MTHFD1: variants seen among roughly 807,000 people sequenced by gnomAD.
MTHFD1 encodes methylenetetrahydrofolate dehydrogenase, cyclohydrolase and formyltetrahydrofolate synthetase 1.
MTHFD1 carries 44 observed loss-of-function variants against 110.3 expected under a neutral mutation model. That is an observed-to-expected ratio of 0.40 (90% confidence interval 0.31 to 0.51). MTHFD1 has a LOEUF of 0.51. Among genes scored for constraint, MTHFD1 ranks in the 20% least tolerant of loss-of-function variants. The pLI is 0.60. For missense variants in MTHFD1, 909 were observed against 1,173.1 expected (o/e 0.77, Z 3.29); for synonymous variants, 402 against 428.8 (o/e 0.94, Z 0.77).
chr14:64,441,439 A>G lies in MTHFD1; in HGVS notation c.1870A>G (p.Met624Val). The change falls in exon 19 of 28, where the codon ATG (methionine) becomes GTG (valine). Residue 624 changes from methionine to valine, a missense_variant. This residue lies in a region of MTHFD1 where 482 missense variants were observed against 646.0 expected (regional missense o/e 0.75). Transcript: ENST00000652337. ...LMKDAIKPNL[M>V]QTLEGTPVFV... is the part of the protein sequence containing the mutation. ...GAAGGACGCAATCAAGCCCAATCTC[A>G]TGCAGACACTGGAGGTGAGCAGAGT... The G allele has an allele frequency of 6.2e-7, 1 of 1,611,970 alleles. No homozygotes were observed. The highest frequency in any genetic ancestry group is 1.1e-5 in the South Asian group (1 of 91,064).
chr14:64,422,507 C>T lies in MTHFD1; in HGVS notation c.728-2297C>T, dbSNP rs138630424. Among the ~76,000 whole-genome samples, 60 of 152,212 alleles carry T rather than the reference C, an allele frequency of 3.9e-4. 1 individual carries two copies. The East Asian group carries it at 0.011, about 27-fold the overall frequency. ...GCAGAAAGTATTGGCCAGAGAAACA[C>T]ATAAAAGTGCTCTTCCTGCTTGGCT... On this transcript the variant is annotated intron_variant, in intron 8 of 27. Coordinates refer to ENST00000652337, the MANE Select transcript of MTHFD1 (RefSeq NM_005956.4).
At chr14:64,404,415 A>T (rs546370826) in intron 2 of MTHFD1, among the ~76,000 whole-genome samples, 36 of 152,248 alleles carry the variant, frequency 2.4e-4, no homozygotes, top group Admixed American at 7.9e-4. Context: ...AATGCTTCCA[A>T]ATTTAGGTCT....
intron 1 of MTHFD1, among the ~76,000 whole-genome samples, chr14:64,391,452 A>G (rs1006670895): frequency 2.0e-5 from 3 of 152,234 alleles, no homozygotes; most frequent in Non-Finnish European, 4.4e-5. Context: ...GGTGTGAGCC[A>G]CTGCGCCCCC....
intron 22 of MTHFD1, 91 bp downstream of exon 22, chr14:64,444,825 T>G (rs747384056): frequency 1.9e-4 from 272 of 1,435,626 alleles, no homozygotes; most frequent in Middle Eastern, 3.5e-4. Flanking sequence ...AATGAATGGG[T>G]TATTGCTGTG....
intron 7 of MTHFD1, among the ~76,000 whole-genome samples, chr14:64,418,955 C>T (rs775127311): frequency 6.6e-5 from 10 of 151,916 alleles, no homozygotes; most frequent in Non-Finnish European, 1.0e-4. Flanking sequence ...CTCCTGGGCT[C>T]GAGTGATCCT....
At chr14:64,435,726 C>T in intron 16 of MTHFD1, 55 bp downstream of exon 16, 1 of 1,019,408 alleles carries the variant, frequency 9.8e-7, no homozygotes, top group Non-Finnish European at 1.6e-6. Context: ...ACACCCTACA[C>T]CCTCCAGAAG....
At chr14:64,447,487 G>T (rs995077891) in intron 22 of MTHFD1, among the ~76,000 whole-genome samples, 3 of 133,854 alleles carry the variant, frequency 2.2e-5, no homozygotes, top group African/African-American at 5.9e-5. Flanking sequence ...TAACTTCTCA[G>T]TTGTAGAGAT....
intron 1 of MTHFD1, 53 bp from the exon 2 acceptor site, chr14:64,400,740 T>G: frequency 9.0e-7 from 1 of 1,116,432 alleles, no homozygotes; most frequent in African/African-American, 1.5e-5. Flanking sequence ...TCTGCATCAC[T>G]TATTTGTGCT....
At chr14:64,420,859 T>C (rs2078063853) in intron 8 of MTHFD1, among the ~76,000 whole-genome samples, 1 of 152,238 alleles carries the variant, frequency 6.6e-6, no homozygotes, top group African/African-American at 2.4e-5. Flanking sequence ...TGCGCATGCC[T>C]CGTTTGCCCT....
At chr14:64,418,364 T>C (rs1340091754) in intron 7 of MTHFD1, among the ~76,000 whole-genome samples, 2 of 150,454 alleles carry the variant, frequency 1.3e-5, no homozygotes, top group East Asian at 3.9e-4. Flanking sequence ...GGCAAGAGGA[T>C]TGCTTGAGCC....
intron 1 of MTHFD1, chr14:64,388,778 C>A (rs925114806): frequency 1.8e-6 from 1 of 550,990 alleles, no homozygotes; most frequent in Non-Finnish European, 3.3e-6. Context: ...CTGGAGCCCC[C>A]CTAGTCAGAA....
intron 2 of MTHFD1, among the ~76,000 whole-genome samples, chr14:64,402,657 A>T (rs980413330): frequency 3.9e-5 from 6 of 152,110 alleles, no homozygotes; most frequent in Non-Finnish European, 7.4e-5. Context: ...CAAAAAAATT[A>T]AAAAATGAGC....
intron 8 of MTHFD1, among the ~76,000 whole-genome samples, chr14:64,423,800 C>T (rs1224313570): frequency 6.6e-6 from 1 of 151,804 alleles, no homozygotes; most frequent in Non-Finnish European, 1.5e-5. Context: ...AATCTCCGCT[C>T]ACTGCAAGCT....
chr14:64,444,959 C>G (rs1388591048), intron 22 of MTHFD1: 1 of 562,554 alleles, frequency 1.8e-6, no homozygotes, highest in Non-Finnish European at 3.2e-6. Flanking sequence ...AGCCACTGCC[C>G]TAGACCAGTG....
chr14:64,423,215 C>T (rs2078089065), intron 8 of MTHFD1, among the ~76,000 whole-genome samples: 2 of 152,094 alleles, frequency 1.3e-5, no homozygotes, highest in Admixed American at 1.3e-4. Context: ...TGACCAGCTC[C>T]TTTTACTCCA....
rs567580628 is a variant in MTHFD1 at position 64,454,563 on chromosome 14, G to C, written c.2566-160G>C. On this transcript the variant is annotated intron_variant, in intron 25 of 27. Coordinates refer to ENST00000652337, the MANE Select transcript of MTHFD1 (RefSeq NM_005956.4). Reference sequence around the variant, plus strand: ...CAACAGTTCTTTTTTTTTTTTTTTGGCTTAATAAATAAGCTGGAGGACAGC... The same window carrying C: ...CAACAGTTCTTTTTTTTTTTTTTTGCCTTAATAAATAAGCTGGAGGACAGC... 2.3e-3 allele frequency among the ~76,000 whole-genome samples: 326 copies of C among 144,008 alleles called. 1 individual carries two copies. The highest frequency in any genetic ancestry group is 8.1e-3 in the African/African-American group (312 of 38,648). 94.5% of individuals were successfully genotyped at this position (144,008 alleles called of 152,430 possible).
At chr14:64,448,573 T>C (rs2078316096) in intron 23 of MTHFD1, 1 of 504,136 alleles carries the variant, frequency 2.0e-6, no homozygotes, top group East Asian at 3.7e-5. Flanking sequence ...AAGCCTGAAG[T>C]TCAATGTTCC....
chr14:64,417,259 G>A lies in MTHFD1; in HGVS notation c.479-629G>A, dbSNP rs76081946. Among the ~76,000 whole-genome samples the A allele has an allele frequency of 1.7e-4, 26 of 152,332 alleles. 2 individuals are homozygous for A. In the East Asian group the frequency reaches 5.0e-3, roughly 29 times the overall value. On this transcript the variant is annotated intron_variant, in intron 6 of 27. Transcript: ENST00000652337. This position sits in a 1 kb window ranked among gnomAD's most constrained non-coding sequence, Gnocchi z 4.4. ...TGGGTACTCACTCAGGCTGTCTTTA[G>A]TAGAGTATGAGTCAGCCCTGAAAAG...
At position 64,415,697 on chromosome 14, in the gene MTHFD1, C is replaced by T; in HGVS notation, c.436C>T (p.Pro146Ser). ...AGGTGACCTCAATGACTGTTTCATT[C>T]CTTGTACGCCTAAGGGATGCTTGGA... ...ARGDLNDCFI[P>S]CTPKGCLELI... The change falls in exon 6 of 28, where the codon CCT (proline) becomes TCT (serine). Residue 146 changes from proline to serine, a missense_variant. By Grantham distance (74) the Pro-to-Ser change is moderately conservative (BLOSUM62 -1). This residue lies in a region of MTHFD1 where 424 missense variants were observed against 510.4 expected (regional missense o/e 0.83). Coordinates refer to ENST00000652337, the MANE Select transcript of MTHFD1 (RefSeq NM_005956.4). 6.2e-7 allele frequency: 1 copy of T among 1,614,012 alleles called. No homozygotes were observed. The highest frequency in any genetic ancestry group is 8.5e-7 in the Non-Finnish European group (1 of 1,179,902).
Sources: gnomAD v4.1 joint callset for allele counts (sites outside exome capture counted in the v4.1 genomes callset) on GRCh38, gnomAD v4.1.1 for gene constraint, gnomAD v4.1.1 regional missense constraint, Gnocchi (gnomAD v3.1) non-coding constraint, MANE v1.5 for transcripts, NCBI Gene and HGNC (gene_info 2026-07-23, HGNC 2026-07-21) for gene names.